The following XKR6 variants were observed in gnomAD, a reference collection of about 807,000 sequenced individuals.
XKR6 encodes XK related 6, also known as XK-related protein 6.
In XKR6, 22 loss-of-function variants were observed where a neutral mutation model predicts 56.7. The ratio of observed to expected loss-of-function variants is 0.39; its 90% CI spans 0.28 to 0.55. The LOEUF is 0.55. XKR6 is among the 20% of genes least tolerant of loss of function. The pLI, the probability that XKR6 is intolerant of heterozygous loss-of-function variation, is 0.66. For missense variants in XKR6, 852 were observed against 889.0 expected, an observed-to-expected ratio of 0.96 and a Z score of 0.53; for synonymous variants, 524 against 387.8, an observed-to-expected ratio of 1.35 and a Z score of -4.13.
At chr8:11,107,133 A>G (rs568624291) in intron 1 of XKR6, among the ~76,000 whole-genome samples, 1 of 152,320 alleles carries the variant, frequency 6.6e-6, no homozygotes, top group South Asian at 2.1e-4. Context: ...TCAAAGGGCT[A>G]GAAAGGAACT....
intron 1 of XKR6, among the ~76,000 whole-genome samples, chr8:11,003,521 C>A (rs184568565): frequency 5.3e-5 from 8 of 152,310 alleles, no homozygotes; most frequent in Admixed American, 2.6e-4. Flanking sequence ...TCATAGCTAC[C>A]AGACTGATAC....
chr8:11,038,482 G>C (rs1459068863), intron 1 of XKR6, among the ~76,000 whole-genome samples: 1 of 145,168 alleles, frequency 6.9e-6, no homozygotes, highest in South Asian at 2.3e-4. Flanking sequence ...ACTCAGATAA[G>C]TAATTGTAGT....
chr8:10,968,712 A>G (rs1003490342), intron 1 of XKR6, among the ~76,000 whole-genome samples: 6 of 152,258 alleles, frequency 3.9e-5, no homozygotes, highest in Admixed American at 3.9e-4. Context: ...GAGAAAGAGA[A>G]AGAGTTGGTG....
intron 1 of XKR6, among the ~76,000 whole-genome samples, chr8:11,117,440 G>C (rs1799234914): frequency 6.6e-6 from 1 of 152,160 alleles, no homozygotes; most frequent in African/African-American, 2.4e-5. Flanking sequence ...CAAACTGAAG[G>C]ATTCCACAGG....
chr8:11,103,920 T>C (rs1162238443), intron 1 of XKR6, among the ~76,000 whole-genome samples: 1 of 152,232 alleles, frequency 6.6e-6, no homozygotes, highest in African/African-American at 2.4e-5. Flanking sequence ...CCTTCCACTG[T>C]TGCGGAATTT....
intron 1 of XKR6, among the ~76,000 whole-genome samples, chr8:11,034,149 A>G (rs1211012556): frequency 1.3e-5 from 2 of 152,328 alleles, no homozygotes; most frequent in South Asian, 2.1e-4. Context: ...TGTAGGAGAT[A>G]AAAGAATAAT....
chr8:11,033,137 T>C (rs568416881), intron 1 of XKR6, among the ~76,000 whole-genome samples: 39 of 152,104 alleles, frequency 2.6e-4, no homozygotes, highest in African/African-American at 8.9e-4. Flanking sequence ...GTAATGATGA[T>C]GATGGTAATG....
At chr8:10,914,624 G>A (rs1267794035) in intron 2 of XKR6, among the ~76,000 whole-genome samples, 2 of 152,142 alleles carry the variant, frequency 1.3e-5, no homozygotes, top group African/African-American at 4.8e-5. Context: ...CATGTTTCTG[G>A]GACCCAGAGA....
At chr8:10,998,988 T>C (rs1798179198) in intron 1 of XKR6, among the ~76,000 whole-genome samples, 1 of 152,214 alleles carries the variant, frequency 6.6e-6, no homozygotes, top group Non-Finnish European at 1.5e-5. Flanking sequence ...CAGGAAAACC[T>C]AGCTCCAGTG....
At chr8:10,997,239 C>T (rs1586409868) in intron 1 of XKR6, among the ~76,000 whole-genome samples, 1 of 152,166 alleles carries the variant, frequency 6.6e-6, no homozygotes, top group Non-Finnish European at 1.5e-5. Flanking sequence ...ATGCTCAGCC[C>T]AACAACACAC....
At chr8:11,164,679 G>T (rs1227174421) in intron 1 of XKR6, among the ~76,000 whole-genome samples, 1 of 152,146 alleles carries the variant, frequency 6.6e-6, no homozygotes, top group African/African-American at 2.4e-5. Context: ...CCACAATAGA[G>T]AGGGTCTTTG....
chr8:10,903,826 C>A (rs186792214), intron 2 of XKR6, among the ~76,000 whole-genome samples: 1 of 152,254 alleles, frequency 6.6e-6, no homozygotes, highest in East Asian at 1.9e-4. Context: ...GTACACCGTG[C>A]GGACAGAACT....
chr8:11,131,725 A>G (rs1348572782), intron 1 of XKR6, among the ~76,000 whole-genome samples: 4 of 152,152 alleles, frequency 2.6e-5, no homozygotes, highest in Non-Finnish European at 5.9e-5. Flanking sequence ...GATTATTTAT[A>G]CCATATTTTT....
intron 1 of XKR6, among the ~76,000 whole-genome samples, chr8:10,984,299 A>C (rs1006548078): frequency 6.6e-6 from 1 of 152,218 alleles, no homozygotes; most frequent in Admixed American, 6.5e-5. Context: ...GTAAAACATA[A>C]TAAAATTCTT....
At chr8:11,057,539 T>C (rs1387810378) in intron 1 of XKR6, among the ~76,000 whole-genome samples, 1 of 152,240 alleles carries the variant, frequency 6.6e-6, no homozygotes, top group Non-Finnish European at 1.5e-5. Flanking sequence ...GGTAAGTGTT[T>C]TGCCCTCATT....
At chr8:11,142,806 C>T (rs1158424988) in intron 1 of XKR6, among the ~76,000 whole-genome samples, 1 of 152,134 alleles carries the variant, frequency 6.6e-6, no homozygotes, top group South Asian at 2.1e-4. Flanking sequence ...CAAGAACAGC[C>T]TAATACATCA....
chr8:11,146,069 G>A (rs1305275120), intron 1 of XKR6, among the ~76,000 whole-genome samples: 1 of 151,972 alleles, frequency 6.6e-6, no homozygotes, highest in Non-Finnish European at 1.5e-5. Context: ...AAAGGGGCAA[G>A]GGCAATTCAG....
At chr8:11,134,826 T>C (rs185453190) in intron 1 of XKR6, among the ~76,000 whole-genome samples, 118 of 152,150 alleles carry the variant, frequency 7.8e-4, no homozygotes, top group Middle Eastern at 3.4e-3. Context: ...AAGGCCTAAA[T>C]GACCAATAAT....
At position 11,200,987 on chromosome 8, in the gene XKR6, G is replaced by C. The variant is rs769440303; in HGVS notation, c.353C>G (p.Pro118Arg). The change falls in exon 1 of 3, where the codon CCG becomes CGG. Residue 118 changes from proline (P) to arginine (R), a missense_variant. Physicochemically the swap from Pro to Arg is moderately radical, Grantham distance 103. Transcript: ENST00000416569. The surrounding 1 kb of genome is among the most constrained non-coding windows in gnomAD (Gnocchi z 6.4). ...PTPSAARPEP[P>R]PPQVERPWLD... Reference sequence around the variant, plus strand: ...CCACGGCCGCTCCACCTGCGGCGGCGGCGGCTCCGGCCGCGCGGCCGAGGG... The same window carrying C: ...CCACGGCCGCTCCACCTGCGGCGGCCGCGGCTCCGGCCGCGCGGCCGAGGG... 33 of 1,474,560 alleles carry C rather than the reference G, an allele frequency of 2.2e-5. No individual in the cohort carries two copies. The highest frequency in any genetic ancestry group is 2.9e-5 in the Non-Finnish European group (32 of 1,113,356). 91.3% of individuals were successfully genotyped at this position (1,474,560 alleles called of 1,614,324 possible). A position where few individuals can be genotyped will look rare whatever the true frequency, so the allele number is the denominator to read the frequency against.
Sources: allele counts gnomAD v4.1 joint callset (sites outside exome capture counted in the v4.1 genomes callset), GRCh38; gene constraint gnomAD v4.1.1; non-coding constraint Gnocchi (gnomAD v3.1); transcripts MANE v1.5; gene names NCBI Gene and HGNC (gene_info 2026-07-23, HGNC 2026-07-21).